LPAR1: variants seen among roughly 807,000 people sequenced by gnomAD.
LPAR1 encodes LPA receptor 1.
A neutral mutation model predicts 23.8 loss-of-function variants in LPAR1; 5 were observed. The observed-to-expected ratio is 0.21, with a 90% confidence interval of 0.11 to 0.44. The LOEUF (loss-of-function observed/expected upper bound fraction) is 0.44. Among genes scored for constraint, LPAR1 ranks in the 20% least tolerant of loss-of-function variants. The pLI, the probability that LPAR1 is intolerant of heterozygous loss-of-function variation, is 0.99. For missense variants in LPAR1, 311 were observed against 482.8 expected (o/e 0.64, Z 3.33); for synonymous variants, 160 against 164.7 (o/e 0.97, Z 0.22).
At chr9:110,885,358 CA>C (rs1030664822) in intron 5 of LPAR1, among the ~76,000 whole-genome samples, 2 of 152,148 alleles carry the variant, frequency 1.3e-5, no homozygotes, top group African/African-American at 2.4e-5. Context: ...GAACTGCCAC[CA>C]AAGTCAGCTT....
intron 3 of LPAR1, among the ~76,000 whole-genome samples, chr9:110,973,222 T>A (rs187387448): frequency 1.6e-4 from 25 of 152,272 alleles, no homozygotes; most frequent in African/African-American, 6.0e-4. Context: ...AAAGTGAAGC[T>A]TCGGATAAAA....
intron 5 of LPAR1, among the ~76,000 whole-genome samples, chr9:110,908,929 T>TTC (rs2091913864): frequency 6.6e-6 from 1 of 152,200 alleles, no homozygotes; most frequent in Admixed American, 6.5e-5. Flanking sequence ...GAAATTGACC[T>TTC]TTTTTGTCTT....
At chr9:110,951,861 A>G (rs1404328521) in intron 4 of LPAR1, among the ~76,000 whole-genome samples, 4 of 152,236 alleles carry the variant, frequency 2.6e-5, no homozygotes, top group African/African-American at 9.6e-5. Flanking sequence ...ATATTTATCA[A>G]CTGGTGAAGG....
chr9:110,896,787 C>CTTTTTT (rs3030133), intron 5 of LPAR1, among the ~76,000 whole-genome samples: 2 of 126,350 alleles, frequency 1.6e-5, no homozygotes, highest in African/African-American at 3.0e-5. Flanking sequence ...TTAGTGAAAT[C>CTTTTTT]TTTTTTTTTT....
At position 110,941,533 on chromosome 9, in the gene LPAR1, G is replaced by A. The variant is rs1588447066; in HGVS notation, c.681C>T (p.His227=). The A allele has an allele frequency of 6.2e-7, 1 of 1,614,152 alleles. No individual in the cohort carries two copies. Among genetic ancestry groups the A allele is most frequent in the South Asian group, 1.1e-5 (1 of 91,088 alleles). The change falls in exon 5 of 6, where the codon CAC becomes CAT. Residue 227 remains histidine, a synonymous_variant. Transcript: ENST00000683809. The surrounding 1 kb of genome is among the most constrained non-coding windows in gnomAD (Gnocchi z 6.1). ...TCCTCTGGCGAACATAGCCAAAGAT[G>A]TGAGCATAGAGAACCACCATTACCA... ...TFVVMVVLYA[H]IFGYVRQRTM...
At chr9:110,983,116 A>G (rs1453308131) in intron 2 of LPAR1, among the ~76,000 whole-genome samples, 3 of 152,044 alleles carry the variant, frequency 2.0e-5, no homozygotes, top group Admixed American at 1.3e-4. Flanking sequence ...CCTCAAAAAA[A>G]TTAAAATAGG....
chr9:111,029,913 G>C (rs551108180), intron 2 of LPAR1, among the ~76,000 whole-genome samples: 2 of 151,968 alleles, frequency 1.3e-5, no homozygotes, highest in Admixed American at 1.3e-4. Context: ...AAATTAGCCA[G>C]GCATGGTGGT....
chr9:110,991,041 C>A (rs1202858829), intron 2 of LPAR1, among the ~76,000 whole-genome samples: 3 of 151,986 alleles, frequency 2.0e-5, no homozygotes, highest in South Asian at 2.1e-4. Flanking sequence ...ACTGAAAAAA[C>A]CAACTGATTC....
intron 2 of LPAR1, among the ~76,000 whole-genome samples, chr9:111,032,697 C>T (rs117297077): frequency 1.4e-4 from 22 of 152,152 alleles, no homozygotes; most frequent in East Asian, 1.4e-3. Flanking sequence ...TAGAACAGAT[C>T]GATATAAAGT....
At chr9:110,896,025 G>A (rs1157963580) in intron 5 of LPAR1, among the ~76,000 whole-genome samples, 1 of 152,128 alleles carries the variant, frequency 6.6e-6, no homozygotes, top group Non-Finnish European at 1.5e-5. Context: ...CTTAGTTAGG[G>A]AAGATGTAAG....
chr9:110,875,791 G>T, intron 5 of LPAR1, 69 bp from the exon 6 acceptor site: 1 of 826,306 alleles, frequency 1.2e-6, no homozygotes, highest in Non-Finnish European at 1.8e-6. Flanking sequence ...TAAAACATGC[G>T]ACCATAAAGT....
intron 4 of LPAR1, among the ~76,000 whole-genome samples, chr9:110,959,528 G>A (rs1331003026): frequency 1.3e-5 from 2 of 152,096 alleles, no homozygotes; most frequent in Non-Finnish European, 2.9e-5. Flanking sequence ...TGAGGTGGGA[G>A]GATCACTTGA....
chr9:110,934,117 CT>C (rs2094550392), intron 5 of LPAR1, among the ~76,000 whole-genome samples: 1 of 152,148 alleles, frequency 6.6e-6, no homozygotes, highest in Non-Finnish European at 1.5e-5. Flanking sequence ...TCAAAGAGGC[CT>C]TTACAGGGAT....
chr9:111,007,622 G>C (rs182304245), intron 2 of LPAR1, among the ~76,000 whole-genome samples: 7 of 152,086 alleles, frequency 4.6e-5, no homozygotes, highest in Non-Finnish European at 8.8e-5. Context: ...ATAATATTCA[G>C]TTTAATGAAG....
At chr9:110,918,509 A>T (rs919840108) in intron 5 of LPAR1, among the ~76,000 whole-genome samples, 1 of 152,150 alleles carries the variant, frequency 6.6e-6, no homozygotes, top group African/African-American at 2.4e-5. Context: ...CATCATGATT[A>T]TGTGTTTCCA....
At chr9:110,903,717 G>A (rs1052538973) in intron 5 of LPAR1, among the ~76,000 whole-genome samples, 2 of 151,996 alleles carry the variant, frequency 1.3e-5, no homozygotes, top group African/African-American at 4.8e-5. Context: ...GAGAAAAAGA[G>A]AGTGGGCTTG....
At chr9:110,953,358 C>A (rs1433845447) in intron 4 of LPAR1, among the ~76,000 whole-genome samples, 1 of 152,174 alleles carries the variant, frequency 6.6e-6, no homozygotes, top group Non-Finnish European at 1.5e-5. Flanking sequence ...CACCCAAAGC[C>A]ACTTAAAGAA....
At chr9:111,007,916 G>A (rs1435454918) in intron 2 of LPAR1, among the ~76,000 whole-genome samples, 1 of 152,176 alleles carries the variant, frequency 6.6e-6, no homozygotes, top group East Asian at 1.9e-4. Context: ...GCTCACACCT[G>A]TAATCCCAGC....
In LPAR1 at chr9:111,000,779, A is replaced by T. The variant is rs139611548; in HGVS notation, c.-181-27221T>A. ...ACAAAAATCTGTTGGACAATGCTGG[A>T]ATACTGTCCACAAAAATTACGAAGT... On this transcript the variant is annotated intron_variant, in intron 2 of 5. Coordinates refer to ENST00000683809, the MANE Select transcript of LPAR1 (RefSeq NM_001351411.2). 1.4e-3 allele frequency among the ~76,000 whole-genome samples: 210 copies of T among 152,344 alleles called. 1 individual carries two copies. The highest frequency in any genetic ancestry group is 4.9e-3 in the African/African-American group (202 of 41,580).
Sources: allele counts gnomAD v4.1 joint callset (sites outside exome capture counted in the v4.1 genomes callset), GRCh38; gene constraint gnomAD v4.1.1; non-coding constraint Gnocchi (gnomAD v3.1); transcripts MANE v1.5; gene names NCBI Gene and HGNC (gene_info 2026-07-23, HGNC 2026-07-21).